Variants in MLLT10 observed in about 807,000 individuals in gnomAD.
MLLT10 encodes MLLT10 histone lysine methyltransferase DOT1L cofactor, also known as protein AF-10.
In MLLT10, 30 loss-of-function variants were observed where a neutral mutation model predicts 129.1. The observed-to-expected ratio is 0.23, with a 90% CI of 0.17 to 0.32. MLLT10 has a LOEUF of 0.32. Ranked by LOEUF, MLLT10 falls within the 10% of genes least tolerant of loss-of-function variation. The pLI, the probability that MLLT10 is intolerant of heterozygous loss-of-function variation, is 1.00. For synonymous variants in MLLT10, 490 were observed against 446.4 expected, an observed-to-expected ratio of 1.10 and a Z score of -1.23; for missense variants, 1,119 against 1,268.3, an observed-to-expected ratio of 0.88 and a Z score of 1.79.
chr10:21,723,609 T>C (rs188716118), intron 14 of MLLT10, among the ~76,000 whole-genome samples: 1 of 152,292 alleles, frequency 6.6e-6, no homozygotes, highest in Non-Finnish European at 1.5e-5. Flanking sequence ...CTATCCTCAG[T>C]GTCTTCTTGG....
At chr10:21,627,365 T>C (rs1763884903) in intron 8 of MLLT10, among the ~76,000 whole-genome samples, 1 of 152,212 alleles carries the variant, frequency 6.6e-6, no homozygotes, top group Non-Finnish European at 1.5e-5. Context: ...AATAAATTAA[T>C]ATTGTTACAG....
intron 9 of MLLT10, among the ~76,000 whole-genome samples, chr10:21,665,517 AC>A (rs1430594942): frequency 6.7e-6 from 1 of 149,648 alleles, no homozygotes; most frequent in Non-Finnish European, 1.5e-5. Flanking sequence ...CCAGCTCCTT[AC>A]CTCAGGTGAT....
At chr10:21,712,353 A>AT (rs2056182873) in intron 13 of MLLT10, among the ~76,000 whole-genome samples, 1 of 152,162 alleles carries the variant, frequency 6.6e-6, no homozygotes, top group Non-Finnish European at 1.5e-5. Flanking sequence ...AGCTGGGACT[A>AT]CAGGCATGTG....
chr10:21,609,804 C>CT (rs1173340566), intron 5 of MLLT10, among the ~76,000 whole-genome samples: 2 of 151,830 alleles, frequency 1.3e-5, no homozygotes, highest in South Asian at 2.1e-4. Context: ...TATTAGTTTT[C>CT]TTTTTTTTCT....
At position 21,676,720 on chromosome 10, in the gene MLLT10, C is replaced by CAAAAAAAAAAAAAAAAAAA. The variant is rs56000691; in HGVS notation, c.1621+2819_1621+2837dup. On this transcript the variant is annotated intron_variant, in intron 11 of 22. Coordinates refer to ENST00000307729, the MANE Select transcript of MLLT10 (RefSeq NM_001195626.3). ...TGGGAGACAGAGCGAGACTCCATCT[C>CAAAAAAAAAAAAAAAAAAA]AAAAAAAAAAAAAAAAAAAAAAAAA... is the stretch of plus-strand genomic sequence containing the variant. Among the ~76,000 whole-genome samples the CAAAAAAAAAAAAAAAAAAA allele has an allele frequency of 1.9e-4, 6 of 32,010 alleles. 1 individual carries two copies. Among genetic ancestry groups the CAAAAAAAAAAAAAAAAAAA allele is most frequent in the East Asian group, 2.4e-3 (1 of 412 alleles). 21.0% of individuals were successfully genotyped at this position (32,010 alleles called of 152,430 possible).
At chr10:21,705,716 A>C (rs1226742269) in intron 13 of MLLT10, among the ~76,000 whole-genome samples, 1 of 152,158 alleles carries the variant, frequency 6.6e-6, no homozygotes, top group Non-Finnish European at 1.5e-5. Context: ...TCTTGGCCTT[A>C]GTCCTAGCGC....
intron 8 of MLLT10, among the ~76,000 whole-genome samples, chr10:21,632,307 G>C (rs2047080306): frequency 6.6e-6 from 1 of 152,074 alleles, no homozygotes; most frequent in Non-Finnish European, 1.5e-5. Context: ...GTAAGGTTGA[G>C]ATTGCATGTA....
chr10:21,571,475 C>T (rs775454025), intron 3 of MLLT10, among the ~76,000 whole-genome samples: 1 of 152,254 alleles, frequency 6.6e-6, no homozygotes, highest in Non-Finnish European at 1.5e-5. Flanking sequence ...GAAACTCTCT[C>T]AAGGCAGTAA....
intron 13 of MLLT10, among the ~76,000 whole-genome samples, chr10:21,699,029 C>G (rs1564670250): frequency 6.6e-6 from 1 of 152,176 alleles, no homozygotes; most frequent in Non-Finnish European, 1.5e-5. Flanking sequence ...CACGTGCCAT[C>G]ATGCCCAGCT....
chr10:21,673,408 T>C lies in MLLT10; in HGVS notation c.1110T>C (p.Ser370=). The C allele has an allele frequency of 6.5e-7, 1 of 1,550,208 alleles. No homozygotes were observed. The highest frequency in any genetic ancestry group is 8.8e-7 in the Non-Finnish European group (1 of 1,142,596). The change falls in exon 11 of 23, where the codon TCT becomes TCC. Residue 370 remains serine, a synonymous_variant. Coordinates refer to ENST00000307729, the MANE Select transcript of MLLT10 (RefSeq NM_001195626.3). ...CATCTTCTGGAAGTTCAGTGCAGTC[T>C]CCCCAGGATTTCCTGAGCTTTACAG... is the stretch of plus-strand genomic sequence containing the variant. The part of the protein sequence containing the change: ...VKSSSGSSVQ[S]PQDFLSFTDS...
chr10:21,733,622 G>T (rs765755851), intron 19 of MLLT10, 30 bp downstream of exon 19: 8 of 1,487,830 alleles, frequency 5.4e-6, no homozygotes, highest in Middle Eastern at 2.0e-4. Context: ...TTTCATCTAT[G>T]TTGATTTACT....
intron 3 of MLLT10, among the ~76,000 whole-genome samples, chr10:21,548,387 T>C (rs2130935380): frequency 6.6e-6 from 1 of 151,836 alleles, no homozygotes; most frequent in East Asian, 1.9e-4. Flanking sequence ...TTTTTTTTTT[T>C]TTTTGAGACG....
At chr10:21,692,405 C>T (rs1362425905) in intron 13 of MLLT10, among the ~76,000 whole-genome samples, 3 of 151,940 alleles carry the variant, frequency 2.0e-5, no homozygotes, top group Non-Finnish European at 4.4e-5. Flanking sequence ...CCTGGCCTCA[C>T]GTGATCCTCC....
Position 21,538,822 on chromosome 10 carries a change from T to A in MLLT10, c.161-11T>A, listed in dbSNP as rs750285569. The A allele has an allele frequency of 1.9e-6, 3 of 1,602,736 alleles. No individual in the cohort carries two copies. The highest frequency in any genetic ancestry group is 2.6e-6 in the Non-Finnish European group (3 of 1,171,896). On this transcript the variant is annotated splice_polypyrimidine_tract_variant and intron_variant, in intron 2 of 22. Coordinates refer to ENST00000307729, the MANE Select transcript of MLLT10 (RefSeq NM_001195626.3). ...AATCTTAACATTTTAACACATTTCATTTTTCAACAGCTTGCTATGGCATTG... is the reference window on the plus strand; with the variant it reads ...AATCTTAACATTTTAACACATTTCAATTTTCAACAGCTTGCTATGGCATTG...
At position 21,726,235 on chromosome 10, in the gene MLLT10, T is replaced by A; in HGVS notation, c.1879-9T>A. The A allele has an allele frequency of 2.0e-6, 3 of 1,537,330 alleles. No homozygotes were observed. Among genetic ancestry groups the A allele is most frequent in the Non-Finnish European group, 2.7e-6 (3 of 1,119,984 alleles). ...TAATTCATTTATCATTGTAATTTTTTCCATTTAGGCAAATACTCTATCTGG... is the reference window on the plus strand; with the variant it reads ...TAATTCATTTATCATTGTAATTTTTACCATTTAGGCAAATACTCTATCTGG... On this transcript the variant is annotated splice_polypyrimidine_tract_variant and intron_variant, in intron 14 of 22. Coordinates refer to ENST00000307729, the MANE Select transcript of MLLT10 (RefSeq NM_001195626.3).
chr10:21,542,454 C>T (rs1445073091), intron 3 of MLLT10, among the ~76,000 whole-genome samples: 1 of 152,168 alleles, frequency 6.6e-6, no homozygotes, highest in Admixed American at 6.5e-5. Context: ...CCTGTAATCC[C>T]AGCTACTCGG....
intron 8 of MLLT10, chr10:21,624,715 CTGT>C (rs2046253106): frequency 9.7e-6 from 13 of 1,344,424 alleles, no homozygotes; most frequent in Non-Finnish European, 1.4e-5. Context: ...AGACCCAGTT[CTGT>C]TGTTTGTTGG....
chr10:21,681,502 C>T lies in MLLT10; in HGVS notation c.1666+126C>T, dbSNP rs1226751653. The T allele has an allele frequency of 9.5e-6, 6 of 633,258 alleles. No homozygotes were observed. The Admixed American group carries it at 1.1e-4, about 11-fold the overall frequency. 39.2% of individuals were successfully genotyped at this position (633,258 alleles called of 1,614,324 possible). ...AAAATGCAAGTTTTTCTTAATTGAA[C>T]AGATACTTTTCTCCTGCAAAGATAA... On this transcript the variant is annotated intron_variant, in intron 12 of 22. Transcript: ENST00000307729.
chr10:21,680,912 C>T (rs1165866991), intron 11 of MLLT10, among the ~76,000 whole-genome samples: 2 of 151,522 alleles, frequency 1.3e-5, no homozygotes, highest in East Asian at 1.9e-4. Flanking sequence ...GCCGAGCTTG[C>T]GCCACTGCAC....
Sources: allele counts gnomAD v4.1 joint callset (sites outside exome capture counted in the v4.1 genomes callset), GRCh38; gene constraint gnomAD v4.1.1; transcripts MANE v1.5; gene names NCBI Gene and HGNC (gene_info 2026-07-23, HGNC 2026-07-21).